TRAPPC9: variants seen among roughly 807,000 people sequenced by gnomAD.
TRAPPC9 encodes the protein IKK2 binding protein.
A neutral mutation model predicts 124.0 loss-of-function variants in TRAPPC9; 83 were observed. The ratio of observed to expected loss-of-function variants is 0.67; its 90% CI spans 0.56 to 0.80. TRAPPC9 has a LOEUF of 0.80. TRAPPC9 is among the 30% of genes least tolerant of loss of function. TRAPPC9 has a pLI of 0.00. For synonymous variants in TRAPPC9, 638 were observed against 617.5 expected (o/e 1.03, Z -0.49); for missense variants, 1,302 against 1,508.3 (o/e 0.86, Z 2.27).
At chr8:140,103,385 C>G (rs942669844) in intron 17 of TRAPPC9, among the ~76,000 whole-genome samples, 1 of 152,202 alleles carries the variant, frequency 6.6e-6, no homozygotes, top group African/African-American at 2.4e-5. Flanking sequence ...GGCAGCGCCT[C>G]TCATCAGGGG....
chr8:139,974,585 G>A (rs901817834), intron 19 of TRAPPC9, among the ~76,000 whole-genome samples: 3 of 152,084 alleles, frequency 2.0e-5, no homozygotes, highest in Non-Finnish European at 4.4e-5. Flanking sequence ...TTCAACTCAG[G>A]ATGGCTTGAG....
intron 17 of TRAPPC9, among the ~76,000 whole-genome samples, chr8:140,107,338 C>T (rs547047677): frequency 3.3e-5 from 5 of 152,276 alleles, no homozygotes; most frequent in Non-Finnish European, 7.3e-5. Context: ...TTTGTTTATT[C>T]GCTTACTAAG....
intron 17 of TRAPPC9, among the ~76,000 whole-genome samples, chr8:140,082,627 C>A (rs2130024001): frequency 6.6e-6 from 1 of 152,314 alleles, no homozygotes; most frequent in African/African-American, 2.4e-5. Context: ...TAGCCTTTGA[C>A]AAACTGTTAT....
chr8:140,411,393 G>C (rs1023494889), intron 5 of TRAPPC9, among the ~76,000 whole-genome samples: 3 of 152,192 alleles, frequency 2.0e-5, no homozygotes, highest in Non-Finnish European at 4.4e-5. Flanking sequence ...CCAGGCTGGA[G>C]TGCAGTGGCG....
intron 21 of TRAPPC9, among the ~76,000 whole-genome samples, chr8:139,736,586 A>C (rs1230840930): frequency 2.0e-5 from 3 of 152,200 alleles, no homozygotes; most frequent in African/African-American, 7.2e-5. Context: ...CGAGAGCATT[A>C]AGCTTCCTGA....
chr8:140,007,452 A>G (rs576680892), intron 18 of TRAPPC9, among the ~76,000 whole-genome samples: 265 of 152,370 alleles, frequency 1.7e-3, no homozygotes, highest in Middle Eastern at 0.01. Context: ...ATTCACAAGA[A>G]ATTATTTGTA....
intron 9 of TRAPPC9, among the ~76,000 whole-genome samples, chr8:140,341,262 C>T (rs1377202384): frequency 6.6e-6 from 1 of 152,144 alleles, no homozygotes; most frequent in African/African-American, 2.4e-5. Context: ...ATGAATCCAT[C>T]CTGAGTGGCT....
chr8:139,810,604 A>G (rs1328401368), intron 21 of TRAPPC9, among the ~76,000 whole-genome samples: 2 of 152,160 alleles, frequency 1.3e-5, no homozygotes, highest in Admixed American at 6.5e-5. Context: ...CCAGGGATGA[A>G]CAGGACCTCG....
chr8:140,340,171 A>C (rs570598249), intron 9 of TRAPPC9, among the ~76,000 whole-genome samples: 1 of 152,314 alleles, frequency 6.6e-6, no homozygotes, highest in East Asian at 1.9e-4. Context: ...TTTAAACTAA[A>C]TTGGTCAGTT....
At chr8:139,824,787 T>A (rs1352643776) in intron 21 of TRAPPC9, among the ~76,000 whole-genome samples, 1 of 152,126 alleles carries the variant, frequency 6.6e-6, no homozygotes, top group Non-Finnish European at 1.5e-5. Context: ...GGTCTCAAAC[T>A]CCTGAGCTCA....
chr8:140,406,136 G>A (rs932616613), intron 5 of TRAPPC9, among the ~76,000 whole-genome samples: 2 of 151,990 alleles, frequency 1.3e-5, no homozygotes, highest in African/African-American at 4.8e-5. Flanking sequence ...AATTATAAAT[G>A]ATAGTATGCT....
At chr8:139,883,928 C>A (rs934913414) in intron 21 of TRAPPC9, among the ~76,000 whole-genome samples, 3 of 152,262 alleles carry the variant, frequency 2.0e-5, no homozygotes, top group South Asian at 4.2e-4. Context: ...GTGAGGAGTG[C>A]GTGGCAGCTC....
Position 140,290,986 on chromosome 8 carries a change from T to C in TRAPPC9, c.1854+7A>G. On this transcript the variant is annotated splice_region_variant and intron_variant, in intron 12 of 22. Transcript: ENST00000438773. ...CCCAAAAAGGTCAAATGATTGGTGA[T>C]ACATACCATGTTTTCAACTCGAAGT... The C allele has an allele frequency of 6.2e-7, 1 of 1,613,406 alleles. No homozygotes were observed. The highest frequency in any genetic ancestry group is 1.3e-5 in the African/African-American group (1 of 75,054).
At chr8:139,798,815 C>G (rs1486448125) in intron 21 of TRAPPC9, among the ~76,000 whole-genome samples, 1 of 152,220 alleles carries the variant, frequency 6.6e-6, no homozygotes, top group Non-Finnish European at 1.5e-5. Context: ...CTTAAAACAA[C>G]AGAAATGTAT....
chr8:140,227,837 G>A (rs181245888), intron 16 of TRAPPC9, among the ~76,000 whole-genome samples: 1 of 152,320 alleles, frequency 6.6e-6, no homozygotes, highest in East Asian at 1.9e-4. Flanking sequence ...AGAAGCTGAG[G>A]CTCTGAGAAG....
intron 15 of TRAPPC9, among the ~76,000 whole-genome samples, chr8:140,259,495 G>A (rs1300971434): frequency 2.6e-5 from 4 of 152,154 alleles, no homozygotes; most frequent in Non-Finnish European, 2.9e-5. Flanking sequence ...TCCTGGCTCC[G>A]GCCGGCTATC....
At chr8:139,841,684 T>C (rs1363735542) in intron 21 of TRAPPC9, among the ~76,000 whole-genome samples, 1 of 152,142 alleles carries the variant, frequency 6.6e-6, no homozygotes, top group Non-Finnish European at 1.5e-5. Flanking sequence ...GCAGGCAGAA[T>C]TCGCAGAACC....
At chr8:140,076,971 G>T (rs1202852983) in intron 17 of TRAPPC9, among the ~76,000 whole-genome samples, 1 of 151,920 alleles carries the variant, frequency 6.6e-6, no homozygotes, top group Non-Finnish European at 1.5e-5. Flanking sequence ...TTTAAGACCA[G>T]CCTGGGCAAC....
intron 19 of TRAPPC9, among the ~76,000 whole-genome samples, chr8:139,986,963 G>A (rs1181659124): frequency 6.6e-6 from 1 of 152,170 alleles, no homozygotes; most frequent in Non-Finnish European, 1.5e-5. Flanking sequence ...AATGGCAAAA[G>A]CCGCAATTAC....
Sources: gnomAD v4.1 joint callset for allele counts (sites outside exome capture counted in the v4.1 genomes callset) on GRCh38, gnomAD v4.1.1 for gene constraint, MANE v1.5 for transcripts, NCBI Gene and HGNC (gene_info 2026-07-23, HGNC 2026-07-21) for gene names.